Variants in PER2 observed in about 807,000 individuals in gnomAD.
The protein encoded by PER2 is period circadian regulator 2, also known as period circadian protein homolog 2.
A neutral mutation model predicts 121.0 loss-of-function variants in PER2; 66 were observed. The ratio of observed to expected loss-of-function variants is 0.55; its 90% CI spans 0.45 to 0.67. The LOEUF is 0.67. Ranked by LOEUF, PER2 falls within the 30% of genes least tolerant of loss-of-function variation. PER2 has a pLI of 0.00. For synonymous variants in PER2, 684 were observed against 659.9 expected (o/e 1.04, Z -0.56); for missense variants, 1,521 against 1,635.0 (o/e 0.93, Z 1.20).
chr2:238,275,596 G>A, intron 4 of PER2, 147 bp downstream of exon 4: 2 of 844,162 alleles, frequency 2.4e-6, no homozygotes, highest in African/African-American at 1.7e-5. Context: ...GGCTGTGGCA[G>A]CGGAATCGCT....
In PER2 at chr2:238,255,318, C is replaced by T. The variant is rs576181655; in HGVS notation, c.2320+339G>A. 211 of 406,002 alleles carry T rather than the reference C, an allele frequency of 5.2e-4. 3 individuals are homozygous for T. The highest frequency in any genetic ancestry group is 4.0e-3 in the South Asian group (180 of 44,948). The allele number at this position is 406,002 out of a possible 1,614,324, so 25.1% of individuals were successfully genotyped here. On this transcript the variant is annotated intron_variant, in intron 18 of 22. Transcript: ENST00000254657. ...ATGCCCACTATCTTGAGGTTGAATT[C>T]GCTGATTCTCTGGAGGTCCCGTCCA...
chr2:238,250,805 T>C (rs1218816233), intron 20 of PER2, 62 bp from the exon 21 acceptor site: 12 of 1,193,330 alleles, frequency 1.0e-5, no homozygotes. Context: ...CCTTGCATAA[T>C]GTGCTTCCTC....
In PER2 at chr2:238,277,913, C is replaced by T. The variant is rs759130538; in HGVS notation, c.24G>A (p.Pro8=). ...CCTTGGTGGGGTTACTGGGGCTGGG[C>T]GGAAATTCCGCGTATCCATTCATGC... MNGYAEF[P]PSPSNPTKEP... is the part of the protein sequence containing the mutation. Residue 8 remains proline (P), a synonymous_variant, in exon 2 of 23, where the codon CCG becomes CCA. Transcript: ENST00000254657. 35 of 1,613,708 alleles carry T rather than the reference C, an allele frequency of 2.2e-5. 1 individual carries two copies. In the South Asian group the frequency reaches 2.7e-4, roughly 13 times the overall value.
chr2:238,256,873 C>T, intron 17 of PER2, 49 bp downstream of exon 17: 1 of 1,582,280 alleles, frequency 6.3e-7, no homozygotes, highest in Non-Finnish European at 8.7e-7. Context: ...TTCTTGTTTT[C>T]ATGGTTAAAA....
At chr2:238,259,294 C>T (rs1325550920) in intron 14 of PER2, among the ~76,000 whole-genome samples, 2 of 152,230 alleles carry the variant, frequency 1.3e-5, no homozygotes, top group African/African-American at 2.4e-5. Context: ...GAGCAAGGGC[C>T]CACCAGGGGG....
rs373357215 is a variant in PER2, at chr2:238,273,092, G to A, written c.548C>T (p.Ser183Phe). ...TACGGCATTCTTCACAATGTGCTCA[G>A]AGGTAACGCTCTCCATCTCCTCCAC... ...YTVEEMESVT[S>F]EHIVKNADMF... The change falls in exon 5 of 23, where the codon TCT (serine) becomes TTT (phenylalanine). Residue 183 changes from serine (S) to phenylalanine (F), a missense_variant. Transcript: ENST00000254657. 2 of 1,614,120 alleles carry A rather than the reference G, an allele frequency of 1.2e-6. No individual in the cohort carries two copies. The highest frequency in any genetic ancestry group is 1.7e-5 in the Admixed American group (1 of 60,028).
chr2:238,275,622 A>C (rs1417541124), intron 4 of PER2, 121 bp downstream of exon 4: 2 of 1,103,188 alleles, frequency 1.8e-6, no homozygotes, highest in East Asian at 4.7e-5. Context: ...CCAGAAGTCA[A>C]GGCTGCAGTG....
chr2:238,251,184 T>C (rs1224560247), intron 20 of PER2, among the ~76,000 whole-genome samples: 1 of 152,138 alleles, frequency 6.6e-6, no homozygotes, highest in Non-Finnish European at 1.5e-5. Context: ...GAGCTTCAAT[T>C]TTGTGGAGAG....
In PER2 at chr2:238,255,913, T is replaced by C; in HGVS notation, c.2066-2A>G. 1.2e-6 allele frequency: 2 copies of C among 1,614,216 alleles called. No homozygotes were observed. Among genetic ancestry groups the C allele is most frequent in the Non-Finnish European group, 8.5e-7 (1 of 1,180,038 alleles). ...CACTCGCAGCATCTTCCACCATCTCTGTAACACAAGAACCCAGGGCTCTGG... is the reference window on the plus strand; with the variant it reads ...CACTCGCAGCATCTTCCACCATCTCCGTAACACAAGAACCCAGGGCTCTGG... On this transcript the variant is annotated splice_acceptor_variant, in intron 17 of 22. Transcript: ENST00000254657. LOFTEE classifies it high-confidence loss of function.
At chr2:238,250,500 C>T (rs769112259) in intron 21 of PER2, 51 bp downstream of exon 21, 2 of 1,324,734 alleles carry the variant, frequency 1.5e-6, no homozygotes, top group South Asian at 1.2e-5. Flanking sequence ...TTTCTGGGAG[C>T]TCCTGAACCC....
intron 1 of PER2, among the ~76,000 whole-genome samples, chr2:238,279,487 C>A (rs1163106321): frequency 6.6e-6 from 1 of 152,224 alleles, no homozygotes; most frequent in Non-Finnish European, 1.5e-5. Flanking sequence ...CACCCTACAC[C>A]CAGGCTCAGC....
chr2:238,275,077 ACT>A (rs1696409971), intron 4 of PER2, among the ~76,000 whole-genome samples: 1 of 152,216 alleles, frequency 6.6e-6, no homozygotes, highest in Non-Finnish European at 1.5e-5. Flanking sequence ...CTAACTGTAC[ACT>A]GTGCTTTGAA....
At chr2:238,288,164 G>A (rs1696845191) in intron 1 of PER2, among the ~76,000 whole-genome samples, 185 bp downstream of exon 1, 1 of 152,164 alleles carries the variant, frequency 6.6e-6, no homozygotes, top group Admixed American at 6.5e-5. Context: ...TTAGCCCTGT[G>A]GCCTCAGAAG....
At chr2:238,297,314 A>C in the PER2 span, among the ~76,000 whole-genome samples, 1 of 152,208 alleles carries the variant, frequency 6.6e-6, no homozygotes, top group Non-Finnish European at 1.5e-5. Context: ...TGGAGAAGCT[A>C]TCAAGAGGAG....
Position 238,245,501 on chromosome 2 carries a change from C to T in PER2, c.*874G>A, listed in dbSNP as rs533618820. Reference sequence around the variant, plus strand: ...GAAGCAGATGTCTGGGTGGTTCCAACGGAAGAAAACCAAACAGGACTGGGT... The same window carrying T: ...GAAGCAGATGTCTGGGTGGTTCCAATGGAAGAAAACCAAACAGGACTGGGT... On this transcript the variant is annotated 3_prime_UTR_variant, in exon 23 of 23. Coordinates refer to ENST00000254657, the MANE Select transcript of PER2 (RefSeq NM_022817.3). 50 of 398,164 alleles carry T rather than the reference C, an allele frequency of 1.3e-4. No homozygotes were observed. In the South Asian group the frequency reaches 3.2e-3, roughly 25 times the overall value. The allele number at this position is 398,164 out of a possible 1,614,324, so 24.7% of individuals were successfully genotyped here.
At chr2:238,281,717 G>A (rs1051546091) in intron 1 of PER2, among the ~76,000 whole-genome samples, 2 of 152,202 alleles carry the variant, frequency 1.3e-5, no homozygotes, top group African/African-American at 2.4e-5. Context: ...AAATTAACAG[G>A]ACTGATCACA....
intron 8 of PER2, among the ~76,000 whole-genome samples, chr2:238,266,760 G>A (rs1325395470): frequency 2.6e-5 from 4 of 152,316 alleles, no homozygotes; most frequent in African/African-American, 4.8e-5. Context: ...TCATTTGGCC[G>A]GGCGCGGTGG....
chr2:238,282,760 G>A (rs1275488836), intron 1 of PER2, among the ~76,000 whole-genome samples: 1 of 152,178 alleles, frequency 6.6e-6, no homozygotes, highest in South Asian at 2.1e-4. Context: ...GGGGGAAACA[G>A]ACAATAAACA....
chr2:238,292,620 T>A (rs1469639750), upstream of PER2, among the ~76,000 whole-genome samples: 1 of 152,234 alleles, frequency 6.6e-6, no homozygotes, highest in Non-Finnish European at 1.5e-5. Context: ...TTTGTTTTTT[T>A]ATAAATGTCC....
Sources: gnomAD v4.1 joint callset for allele counts (sites outside exome capture counted in the v4.1 genomes callset) on GRCh38, gnomAD v4.1.1 for gene constraint, MANE v1.5 for transcripts, NCBI Gene and HGNC (gene_info 2026-07-23, HGNC 2026-07-21) for gene names.